PPL: variants seen among roughly 807,000 people sequenced by gnomAD.
The protein encoded by PPL is 190 kDa paraneoplastic pemphigus antigen.
PPL carries 198 observed loss-of-function variants against 194.4 expected under a neutral mutation model. That is an observed-to-expected ratio of 1.02 (90% CI 0.91 to 1.15). The LOEUF (loss-of-function observed/expected upper bound fraction) is 1.15. PPL is among the 50% of genes most tolerant of loss of function. The probability of loss-of-function intolerance (pLI) is 0.00; values close to 1 mark genes in which losing one functional copy is unlikely to be tolerated. For synonymous variants in PPL, 1,220 were observed against 972.4 expected, an observed-to-expected ratio of 1.25 and a Z score of -4.74; for missense variants, 2,885 against 2,294.8, an observed-to-expected ratio of 1.26 and a Z score of -5.25.
Position 4,902,297 on chromosome 16 carries a change from C to T in PPL, c.438+109G>A, listed in dbSNP as rs935222771. 7.4e-6 allele frequency: 11 copies of T among 1,494,428 alleles called. No homozygotes were observed. Among genetic ancestry groups the T allele is most frequent in the Middle Eastern group, 3.5e-4 (2 of 5,674 alleles). The allele number at this position is 1,494,428 out of a possible 1,614,324, so 92.6% of individuals were successfully genotyped here. On this transcript the variant is annotated intron_variant, in intron 4 of 21. Transcript: ENST00000345988. This position sits in a 1 kb window ranked among gnomAD's most constrained non-coding sequence, Gnocchi z 4.0. ...GGAAAACCATCAGGACCACGACTGT[C>T]TCCCTGGTAAGACCCGGGATGCCCA...
At chr16:4,935,997 C>T (rs956595081) in intron 1 of PPL, among the ~76,000 whole-genome samples, 1 of 152,182 alleles carries the variant, frequency 6.6e-6, no homozygotes, top group Non-Finnish European at 1.5e-5. Flanking sequence ...CTCTATTTTC[C>T]GAAGTGGGGA....
chr16:4,914,725 G>C (rs978972813), intron 1 of PPL, among the ~76,000 whole-genome samples: 4 of 152,196 alleles, frequency 2.6e-5, no homozygotes, highest in African/African-American at 9.6e-5. Context: ...TCCTGCAGTG[G>C]AGAAAGCCAG....
At chr16:4,909,051 T>TG (rs915692581) in intron 2 of PPL, among the ~76,000 whole-genome samples, 3 of 151,822 alleles carry the variant, frequency 2.0e-5, no homozygotes, top group African/African-American at 7.3e-5. Flanking sequence ...GGAACAGGTG[T>TG]GGGGTGGCCA....
At chr16:4,931,696 C>T (rs1000454873) in intron 1 of PPL, among the ~76,000 whole-genome samples, 1 of 152,230 alleles carries the variant, frequency 6.6e-6, no homozygotes, top group Non-Finnish European at 1.5e-5. Context: ...TTTGGAAGCT[C>T]TCTAAAGCAG....
chr16:4,904,129 G>A, intron 2 of PPL, 89 bp from the exon 3 acceptor site: 2 of 1,378,012 alleles, frequency 1.5e-6, no homozygotes, highest in South Asian at 1.3e-5. Context: ...GGGGTCAGCA[G>A]GGTGCTCCCC....
intron 14 of PPL, 114 bp from the exon 15 acceptor site, chr16:4,892,327 A>G: frequency 1.7e-6 from 2 of 1,184,658 alleles, no homozygotes; most frequent in Non-Finnish European, 2.3e-6. Flanking sequence ...GCAGCTGGAG[A>G]GGCCTGGCAC....
intron 1 of PPL, 36 bp downstream of exon 1, chr16:4,936,948 G>C: frequency 6.4e-7 from 1 of 1,572,646 alleles, no homozygotes; most frequent in Non-Finnish European, 8.6e-7. Context: ...ACAGGGGCAA[G>C]AGCGTCCCGG....
intron 21 of PPL, 139 bp from the exon 22 acceptor site, chr16:4,886,186 T>A: frequency 1.9e-6 from 2 of 1,064,574 alleles, no homozygotes; most frequent in Non-Finnish European, 2.7e-6. Context: ...TGTAGAGTTC[T>A]AGGGTTACTT....
rs571194570 is a variant in PPL, at chr16:4,885,256, G to A, written c.3399C>T (p.Leu1133=). The change falls in exon 22 of 22, where the codon CTC becomes CTT. Residue 1133 remains leucine, a synonymous_variant. Transcript: ENST00000345988. This position sits in a 1 kb window ranked among gnomAD's most constrained non-coding sequence, Gnocchi z 6.3. ...DAATEREVSD[L]TRQYEDEAAK... ...CAGCCTCGTCCTCATATTGGCGGGTGAGATCGCTGACCTCCCTCTCGGTGG... is the reference window on the plus strand; with the variant it reads ...CAGCCTCGTCCTCATATTGGCGGGTAAGATCGCTGACCTCCCTCTCGGTGG... The A allele has an allele frequency of 5.1e-4, 824 of 1,612,766 alleles. 4 individuals are homozygous for A. In the African/African-American group the frequency reaches 9.7e-3, roughly 19 times the overall value.
intron 1 of PPL, among the ~76,000 whole-genome samples, chr16:4,928,399 G>A (rs913428657): frequency 3.8e-4 from 58 of 152,342 alleles, no homozygotes; most frequent in Non-Finnish European, 1.0e-4. Context: ...GACACTTTGA[G>A]AGGGCTGGCA....
chr16:4,919,515 C>T (rs901308416), intron 1 of PPL, among the ~76,000 whole-genome samples: 5 of 152,284 alleles, frequency 3.3e-5, no homozygotes, highest in East Asian at 1.9e-4. Flanking sequence ...CCTCCCATCT[C>T]GGCCTCCCAA....
rs375532690 is a variant in PPL, at chr16:4,903,895, A to C, written c.308T>G (p.Ile103Ser). The C allele has an allele frequency of 6.2e-6, 10 of 1,613,858 alleles. No individual in the cohort carries two copies. Among genetic ancestry groups the C allele is most frequent in the Admixed American group, 5.0e-5 (3 of 60,012 alleles). ...KHMKHPQGDM[I>S]AEDIRQLKER... ...AGCAGAAGGGACCTACTCCTCGGCGATCATGTCCCCCTGTGGGTGCTTCAT... is the reference window on the plus strand; with the variant it reads ...AGCAGAAGGGACCTACTCCTCGGCGCTCATGTCCCCCTGTGGGTGCTTCAT... The change falls in exon 3 of 22, where the codon ATC becomes AGC. Residue 103 changes from isoleucine (I) to serine (S), a missense_variant. Transcript: ENST00000345988.
intron 18 of PPL, among the ~76,000 whole-genome samples, 187 bp from the exon 19 acceptor site, chr16:4,889,248 T>TG (rs1567992876): frequency 0.015 from 1,126 of 72,882 alleles, 49 homozygotes; most frequent in Admixed American, 0.022. Context: ...GTTGTTTTTT[T>TG]TTTTTTTTTT....
At position 4,892,101 on chromosome 16, in the gene PPL, G is replaced by T; in HGVS notation, c.1763C>A (p.Thr588Asn). The T allele has an allele frequency of 6.2e-7, 1 of 1,613,814 alleles. No individual in the cohort carries two copies. Among genetic ancestry groups the T allele is most frequent in the Non-Finnish European group, 8.5e-7 (1 of 1,180,030 alleles). The change falls in exon 15 of 22, where the codon ACC becomes AAC. Residue 588 changes from threonine (T) to asparagine (N), a missense_variant. Coordinates refer to ENST00000345988, the MANE Select transcript of PPL (RefSeq NM_002705.5). ...TTTCCGGTTGGTGTCCTCCACCCGG[G>T]TCCTCAGCAGGGGTGTGGTGCCACT... ...PGSGTTPLLR[T>N]RVEDTNRKYE...
chr16:4,890,413 G>A (rs1643086001), intron 17 of PPL, 79 bp from the exon 18 acceptor site: 1 of 1,449,626 alleles, frequency 6.9e-7, no homozygotes, highest in Non-Finnish European at 9.1e-7. Flanking sequence ...TTTAAAGTGG[G>A]AAACAACCAA....
intron 1 of PPL, among the ~76,000 whole-genome samples, chr16:4,919,037 C>T (rs898305462): frequency 3.3e-5 from 5 of 152,204 alleles, no homozygotes; most frequent in Admixed American, 6.5e-5. Context: ...CAGCCACCTG[C>T]CTGAGCCAGG....
chr16:4,906,371 C>T (rs1265367745), intron 2 of PPL, among the ~76,000 whole-genome samples: 1 of 152,020 alleles, frequency 6.6e-6, no homozygotes, highest in Non-Finnish European at 1.5e-5. Flanking sequence ...ACTGCAGGCG[C>T]CCACCACCAT....
chr16:4,935,816 C>G (rs1304271761), intron 1 of PPL, among the ~76,000 whole-genome samples: 2 of 152,170 alleles, frequency 1.3e-5, no homozygotes, highest in Non-Finnish European at 1.5e-5. Flanking sequence ...CTCTCCTTGC[C>G]TAGGGAAGAA....
At chr16:4,888,279 T>C (rs2075637) in intron 19 of PPL, 61 bp from the exon 20 acceptor site, 663,097 of 1,222,722 alleles carry the variant, frequency 0.54, 182,508 homozygotes, top group East Asian at 0.64. Context: ...GACAGACATG[T>C]TCCTGTACCC....
Sources: gnomAD v4.1 joint callset for allele counts (sites outside exome capture counted in the v4.1 genomes callset) on GRCh38, gnomAD v4.1.1 for gene constraint, Gnocchi (gnomAD v3.1) non-coding constraint, MANE v1.5 for transcripts, NCBI Gene and HGNC (gene_info 2026-07-23, HGNC 2026-07-21) for gene names.